Variants in CAMSAP1 observed in about 807,000 individuals in gnomAD.
The protein encoded by CAMSAP1 is calmodulin regulated spectrin associated protein 1.
CAMSAP1 carries 58 observed loss-of-function variants against 143.5 expected under a neutral mutation model. The observed-to-expected ratio is 0.40, with a 90% CI of 0.33 to 0.50. The LOEUF is 0.50. Among genes scored for constraint, CAMSAP1 ranks in the 20% least tolerant of loss-of-function variants. CAMSAP1 has a pLI of 0.45. For missense variants in CAMSAP1, 1,969 were observed against 2,115.7 expected (o/e 0.93, Z 1.36); for synonymous variants, 945 against 859.3 (o/e 1.10, Z -1.74).
chr9:135,851,714 A>G (rs1485932515), intron 5 of CAMSAP1, among the ~76,000 whole-genome samples: 1 of 152,220 alleles, frequency 6.6e-6, no homozygotes, highest in African/African-American at 2.4e-5. Context: ...TTTTTGCCCC[A>G]AAACTCAGTA....
intron 11 of CAMSAP1, 21 bp from the exon 12 acceptor site, chr9:135,819,167 A>T (rs778402198): frequency 1.3e-6 from 2 of 1,589,728 alleles, no homozygotes; most frequent in Non-Finnish European, 1.7e-6. Flanking sequence ...GAGGCCACAC[A>T]GAGCATGACA....
chr9:135,819,720 G>A (rs1306987039), intron 11 of CAMSAP1, among the ~76,000 whole-genome samples: 1 of 147,068 alleles, frequency 6.8e-6, no homozygotes, highest in Non-Finnish European at 1.5e-5. Context: ...GGTGGCACAC[G>A]CCTGTAATCC....
chr9:135,904,348 G>A (rs1050312520), intron 1 of CAMSAP1, among the ~76,000 whole-genome samples: 3 of 147,042 alleles, frequency 2.0e-5, no homozygotes, highest in African/African-American at 7.6e-5. Context: ...GCAGTGAACC[G>A]AGGTCACACC....
chr9:135,891,291 G>A (rs1302973848), intron 1 of CAMSAP1, among the ~76,000 whole-genome samples: 2 of 152,236 alleles, frequency 1.3e-5, no homozygotes, highest in East Asian at 1.9e-4. Context: ...GGTAAGGAAG[G>A]AGGAAAGCCC....
intron 4 of CAMSAP1, chr9:135,865,451 C>T (rs1235256575): frequency 4.4e-6 from 6 of 1,361,230 alleles, no homozygotes; most frequent in Middle Eastern, 1.8e-4. Flanking sequence ...CACTTCCCCA[C>T]GGCGTTTACA....
intron 11 of CAMSAP1, 65 bp from the exon 12 acceptor site, chr9:135,819,211 C>T: frequency 6.6e-7 from 1 of 1,525,438 alleles, no homozygotes; most frequent in South Asian, 1.2e-5. Flanking sequence ...CGGCCGCACT[C>T]GACCCAGCAG....
In CAMSAP1 at chr9:135,811,999, CAGA is replaced by C. The variant is rs1835069782; in HGVS notation, c.4507-391_4507-389del. Reference sequence around the variant, plus strand: ...GCGAGCCATGGGGCTCTTTCACTGCCAGAAGGATACAGAGCACAGCAGCTGCTG... The same window carrying C: ...GCGAGCCATGGGGCTCTTTCACTGCCAGGATACAGAGCACAGCAGCTGCTG... On this transcript the variant is annotated intron_variant, in intron 16 of 16. Coordinates refer to ENST00000389532, the MANE Select transcript of CAMSAP1 (RefSeq NM_015447.4). This position sits in a 1 kb window ranked among gnomAD's most constrained non-coding sequence, Gnocchi z 4.9. 1.3e-5 allele frequency among the ~76,000 whole-genome samples: 2 copies of C among 152,120 alleles called. No homozygotes were observed.
At chr9:135,842,429 G>T (rs1014558592) in intron 7 of CAMSAP1, among the ~76,000 whole-genome samples, 1 of 152,116 alleles carries the variant, frequency 6.6e-6, no homozygotes, top group Non-Finnish European at 1.5e-5. Flanking sequence ...CAAACTTCAG[G>T]ATATTATCCA....
Position 135,881,726 on chromosome 9 carries a change from C to T in CAMSAP1, c.492G>A (p.Lys164=), listed in dbSNP as rs551929948. 2 of 1,551,892 alleles carry T rather than the reference C, an allele frequency of 1.3e-6. No individual in the cohort carries two copies. The highest frequency in any genetic ancestry group is 8.7e-7 in the Non-Finnish European group (1 of 1,147,034). ...AYTVEMISIE[K]VVASVKRFST... ...AGAAGCGCTTGACACTGGCCACCAC[C>T]TTCTCGATGCTGATCATCTCCACAG... The change falls in exon 3 of 17, where the codon AAG becomes AAA. Residue 164 remains lysine (K), a synonymous_variant. Coordinates refer to ENST00000389532, the MANE Select transcript of CAMSAP1 (RefSeq NM_015447.4).
intron 7 of CAMSAP1, among the ~76,000 whole-genome samples, chr9:135,832,615 C>A (rs372458992): frequency 6.6e-6 from 1 of 152,092 alleles, no homozygotes; most frequent in Non-Finnish European, 1.5e-5. Flanking sequence ...CACTGCAGAT[C>A]CAAGGTCCTA....
Position 135,824,932 on chromosome 9 carries a change from G to C in CAMSAP1, c.1224-52C>G. On this transcript the variant is annotated intron_variant, in intron 8 of 16. Transcript: ENST00000389532. This position sits in a 1 kb window ranked among gnomAD's most constrained non-coding sequence, Gnocchi z 4.1. ...AATCATTCCTTTATCAAACTTCAAGGTCAACAGCAAATGCACAAGTGTACA... is the reference window on the plus strand; with the variant it reads ...AATCATTCCTTTATCAAACTTCAAGCTCAACAGCAAATGCACAAGTGTACA... 1 of 1,413,382 alleles carries C rather than the reference G, an allele frequency of 7.1e-7. No homozygotes were observed. The highest frequency in any genetic ancestry group is 1.2e-5 in the South Asian group (1 of 80,162). The allele number at this position is 1,413,382 out of a possible 1,614,324, so 87.6% of individuals were successfully genotyped here.
At chr9:135,830,598 C>T (rs1056667850) in intron 7 of CAMSAP1, among the ~76,000 whole-genome samples, 2 of 152,134 alleles carry the variant, frequency 1.3e-5, no homozygotes, top group African/African-American at 2.4e-5. Context: ...GGCTTCAATA[C>T]CCCACTTTAA....
Position 135,818,692 on chromosome 9 carries a change from C to T in CAMSAP1, c.3960-76G>A. 6.7e-7 allele frequency: 1 copy of T among 1,499,198 alleles called. No individual in the cohort carries two copies. The allele number at this position is 1,499,198 out of a possible 1,614,324, so 92.9% of individuals were successfully genotyped here. On this transcript the variant is annotated intron_variant, in intron 12 of 16. Transcript: ENST00000389532. The surrounding 1 kb of genome is among the most constrained non-coding windows in gnomAD (Gnocchi z 7.7). Reference sequence around the variant, plus strand: ...GACGCCTGCGCCGCGGCGCTCTGTCCAGGCGCGTTTCTCGGGTTCTCCCCG... The same window carrying T: ...GACGCCTGCGCCGCGGCGCTCTGTCTAGGCGCGTTTCTCGGGTTCTCCCCG...
intron 7 of CAMSAP1, chr9:135,836,487 T>C: frequency 6.1e-6 from 6 of 981,386 alleles, no homozygotes; most frequent in Non-Finnish European, 7.2e-6. Context: ...TACCCTGTTC[T>C]ACAGACACAC....
chr9:135,836,089 G>T, intron 7 of CAMSAP1: 1 of 984,924 alleles, frequency 1.0e-6, no homozygotes, highest in Non-Finnish European at 1.2e-6. Context: ...CAGAAACTTC[G>T]GAAAGAGAGC....
rs749798972 is a variant in CAMSAP1, at chr9:135,837,086, A to G, written c.1046-9502T>C. On this transcript the variant is annotated intron_variant, in intron 7 of 16. Coordinates refer to ENST00000389532, the MANE Select transcript of CAMSAP1 (RefSeq NM_015447.4). Reference sequence around the variant, plus strand: ...GTTCTACAGACACACATCATCACGCACTTTCTACCCATTCCAGAGACACAC... The same window carrying G: ...GTTCTACAGACACACATCATCACGCGCTTTCTACCCATTCCAGAGACACAC... 13 of 495,904 alleles carry G rather than the reference A, an allele frequency of 2.6e-5. No individual in the cohort carries two copies. The Admixed American group carries it at 3.2e-4, about 12-fold the overall frequency. The allele number at this position is 495,904 out of a possible 1,614,324, so 30.7% of individuals were successfully genotyped here.
rs778522447 is a variant in CAMSAP1, at chr9:135,815,957, C to T, written c.4320G>A (p.Arg1440=). The T allele has an allele frequency of 1.9e-6, 3 of 1,613,760 alleles. No individual in the cohort carries two copies. Among genetic ancestry groups the T allele is most frequent in the Non-Finnish European group, 2.5e-6 (3 of 1,179,922 alleles). The part of the protein sequence containing the change: ...ALPILSRNPS[R]STDRDWETAS... ...CGGTCTCCCAGTCTCGGTCTGTGCT[C>T]CTGCTTGGGTTACGGCTCAGTATGG... Residue 1440 remains arginine (R), a synonymous_variant, in exon 15 of 17, where the codon AGG becomes AGA. Transcript: ENST00000389532.
Position 135,811,185 on chromosome 9 carries a change from T to C in CAMSAP1, c.*124A>G. 8.7e-7 allele frequency: 1 copy of C among 1,150,408 alleles called. No individual in the cohort carries two copies. The allele number at this position is 1,150,408 out of a possible 1,614,324, so 71.3% of individuals were successfully genotyped here. Reference sequence around the variant, plus strand: ...CCTCTTTGCAAAAGGTCTGTGACTTTGCACACTTCGTACCCAAATAGATGA... The same window carrying C: ...CCTCTTTGCAAAAGGTCTGTGACTTCGCACACTTCGTACCCAAATAGATGA... On this transcript the variant is annotated 3_prime_UTR_variant, in exon 17 of 17. Coordinates refer to ENST00000389532, the MANE Select transcript of CAMSAP1 (RefSeq NM_015447.4). This position sits in a 1 kb window ranked among gnomAD's most constrained non-coding sequence, Gnocchi z 4.9.
At chr9:135,888,896 G>A (rs369975935) in intron 1 of CAMSAP1, among the ~76,000 whole-genome samples, 18 of 152,164 alleles carry the variant, frequency 1.2e-4, no homozygotes, top group South Asian at 4.1e-4. Context: ...CCTTGACAGC[G>A]GAGCGCCAGG....
Sources: allele counts gnomAD v4.1 joint callset (sites outside exome capture counted in the v4.1 genomes callset), GRCh38; gene constraint gnomAD v4.1.1; non-coding constraint Gnocchi (gnomAD v3.1); transcripts MANE v1.5; gene names NCBI Gene and HGNC (gene_info 2026-07-23, HGNC 2026-07-21).